The following DAB1 variants were observed in gnomAD, a reference collection of about 807,000 sequenced individuals.
DAB1 encodes disabled homolog 1.
A neutral mutation model predicts 64.6 loss-of-function variants in DAB1; 15 were observed. The ratio of observed to expected loss-of-function variants is 0.23; its 90% CI spans 0.16 to 0.36. DAB1 has a LOEUF of 0.36. Among genes scored for constraint, DAB1 ranks in the 10% least tolerant of loss-of-function variants. DAB1 has a pLI of 1.00. For synonymous variants in DAB1, 235 were observed against 251.9 expected, an observed-to-expected ratio of 0.93 and a Z score of 0.64; for missense variants, 596 against 706.7, an observed-to-expected ratio of 0.84 and a Z score of 1.78.
intron 7 of DAB1, among the ~76,000 whole-genome samples, chr1:57,530,382 G>A (rs189810908): frequency 7.4e-4 from 112 of 152,238 alleles, no homozygotes; most frequent in African/African-American, 2.4e-3. Flanking sequence ...ATATCATTGT[G>A]TTGGGCACAT....
chr1:57,860,160 A>G (rs1653945113), intron 1 of DAB1, among the ~76,000 whole-genome samples: 1 of 152,226 alleles, frequency 6.6e-6, no homozygotes. Context: ...GGGTTTGTGT[A>G]TTTCACGAAT....
At position 57,053,642 on chromosome 1, in the gene DAB1, A is replaced by ATCTCTCTCTCTCTC. The variant is rs146813079; in HGVS notation, c.723+9228_723+9241dup. On this transcript the variant is annotated intron_variant, in intron 9 of 14. Coordinates refer to ENST00000371236, the MANE Select transcript of DAB1 (RefSeq NM_001365792.1). ...TTACTACTATGCCAACCATCTAAGA[A>ATCTCTCTCTCTCTC]TCTCTCTCTCTCTCTCTCTATATGT... is the stretch of plus-strand genomic sequence containing the variant. 1.0e-3 allele frequency among the ~76,000 whole-genome samples: 129 copies of ATCTCTCTCTCTCTC among 126,306 alleles called. 1 individual carries two copies. Among genetic ancestry groups the ATCTCTCTCTCTCTC allele is most frequent in the East Asian group, 5.3e-3 (23 of 4,330 alleles). 82.9% of individuals were successfully genotyped at this position (126,306 alleles called of 152,430 possible). A position where few individuals can be genotyped will look rare whatever the true frequency, so the allele number is the denominator to read the frequency against.
At chr1:58,029,651 T>G (rs764858973) in intron 5 of DAB1, among the ~76,000 whole-genome samples, 1 of 152,192 alleles carries the variant, frequency 6.6e-6, no homozygotes, top group Non-Finnish European at 1.5e-5. Flanking sequence ...TCACAGACTT[T>G]AACTGACTAA....
At chr1:58,066,850 C>A (rs1051605451) in intron 5 of DAB1, among the ~76,000 whole-genome samples, 1 of 152,154 alleles carries the variant, frequency 6.6e-6, no homozygotes, top group Admixed American at 6.5e-5. Flanking sequence ...TCAGAGTGAT[C>A]TTTTCAAAAC....
intron 14 of DAB1, among the ~76,000 whole-genome samples, chr1:57,008,407 T>C (rs916983015): frequency 6.6e-6 from 1 of 152,152 alleles, no homozygotes; most frequent in African/African-American, 2.4e-5. Context: ...TAATTGGATA[T>C]ATGTGATGAT....
At position 57,094,108 on chromosome 1, in the gene DAB1, C is replaced by CAA. The variant is rs59491159; in HGVS notation, c.307-21696_307-21695dup. Among the ~76,000 whole-genome samples, 556 of 112,568 alleles carry CAA rather than the reference C, an allele frequency of 4.9e-3. 8 individuals carry two copies. The highest frequency in any genetic ancestry group is 6.8e-3 in the African/African-American group (193 of 28,348). 73.8% of individuals were successfully genotyped at this position (112,568 alleles called of 152,430 possible). ...TGGGTGCCAGAGTGAGACTCTGCCTCAAAAAAAAAAAAAAAAAGGAATCTT... is the reference window on the plus strand; with the variant it reads ...TGGGTGCCAGAGTGAGACTCTGCCTCAAAAAAAAAAAAAAAAAAAGGAATCTT... On this transcript the variant is annotated intron_variant, in intron 4 of 14. Transcript: ENST00000371236.
At chr1:57,569,916 G>A (rs1364413334) in intron 7 of DAB1, among the ~76,000 whole-genome samples, 1 of 152,090 alleles carries the variant, frequency 6.6e-6, no homozygotes, top group Non-Finnish European at 1.5e-5. Context: ...ATTATGTTAG[G>A]TGCAATTACA....
intron 5 of DAB1, among the ~76,000 whole-genome samples, chr1:57,978,384 C>T (rs1470322630): frequency 1.3e-5 from 2 of 152,164 alleles, no homozygotes; most frequent in African/African-American, 4.8e-5. Context: ...TGAAACAGGA[C>T]CCCTTCCTTA....
chr1:57,659,131 C>T (rs1646354057), intron 6 of DAB1, among the ~76,000 whole-genome samples: 1 of 152,140 alleles, frequency 6.6e-6, no homozygotes, highest in Non-Finnish European at 1.5e-5. Context: ...GTCCCCACCA[C>T]AGGGCCGCCT....
At chr1:58,492,148 A>C (rs61781786) in intron 3 of DAB1, among the ~76,000 whole-genome samples, 17,575 of 152,142 alleles carry the variant, frequency 0.12, 1,208 homozygotes, top group African/African-American at 0.18. Context: ...ACTGAACAAC[A>C]TGCTCCTGAA....
At chr1:57,735,821 G>A (rs901653448) in intron 6 of DAB1, among the ~76,000 whole-genome samples, 2 of 151,918 alleles carry the variant, frequency 1.3e-5, no homozygotes, top group African/African-American at 4.8e-5. Context: ...CCTCCCATCA[G>A]AAAAAATGTG....
intron 1 of DAB1, among the ~76,000 whole-genome samples, chr1:57,310,361 A>G (rs1258910485): frequency 1.3e-5 from 2 of 152,206 alleles, no homozygotes; most frequent in Non-Finnish European, 2.9e-5. Flanking sequence ...AAAAACTCTG[A>G]GGCAGAAATA....
intron 7 of DAB1, among the ~76,000 whole-genome samples, chr1:57,580,776 C>G (rs150126337): frequency 2.4e-4 from 37 of 152,314 alleles, no homozygotes; most frequent in African/African-American, 8.4e-4. Flanking sequence ...GACAACTAAT[C>G]TCATCCTCAT....
chr1:58,350,340 T>C (rs1644041747), intron 3 of DAB1, among the ~76,000 whole-genome samples: 1 of 152,242 alleles, frequency 6.6e-6, no homozygotes, highest in African/African-American at 2.4e-5. Flanking sequence ...AAATTCCTTG[T>C]AGATTCTGGA....
intron 5 of DAB1, among the ~76,000 whole-genome samples, chr1:58,024,483 A>G (rs1646859514): frequency 6.6e-6 from 1 of 152,216 alleles, no homozygotes; most frequent in South Asian, 2.1e-4. Context: ...AATACAAACA[A>G]CTATGCTAAC....
At chr1:57,697,989 G>A (rs1646864515) in intron 6 of DAB1, among the ~76,000 whole-genome samples, 1 of 151,940 alleles carries the variant, frequency 6.6e-6, no homozygotes, top group African/African-American at 2.4e-5. Context: ...CATACAAGCT[G>A]TTCCTCAAAA....
intron 6 of DAB1, among the ~76,000 whole-genome samples, chr1:57,816,406 A>G (rs1396577350): frequency 6.6e-6 from 1 of 152,234 alleles, no homozygotes; most frequent in Non-Finnish European, 1.5e-5. Context: ...AGCTATGGCT[A>G]ATATGGATAG....
chr1:58,217,727 C>T (rs1658930263), intron 4 of DAB1, among the ~76,000 whole-genome samples: 1 of 152,190 alleles, frequency 6.6e-6, no homozygotes, highest in Non-Finnish European at 1.5e-5. Context: ...CATCATGACT[C>T]ATTCCATCTA....
intron 4 of DAB1, among the ~76,000 whole-genome samples, chr1:57,100,969 C>T (rs1269222190): frequency 3.3e-5 from 5 of 152,164 alleles, no homozygotes; most frequent in East Asian, 1.9e-4. Flanking sequence ...CTCCCATCAT[C>T]GCCATGAGGC....
Sources: allele counts gnomAD v4.1 joint callset (sites outside exome capture counted in the v4.1 genomes callset), GRCh38; gene constraint gnomAD v4.1.1; transcripts MANE v1.5; gene names NCBI Gene and HGNC (gene_info 2026-07-23, HGNC 2026-07-21).